CORO2B: variants seen among roughly 807,000 people sequenced by gnomAD.
The protein encoded by CORO2B is coronin-2B.
CORO2B carries 26 observed loss-of-function variants against 58.8 expected under a neutral mutation model. The observed-to-expected ratio is 0.44, with a 90% CI of 0.32 to 0.61. The LOEUF is 0.61. CORO2B is among the 20% of genes least tolerant of loss of function. The pLI, the probability that CORO2B is intolerant of heterozygous loss-of-function variation, is 0.04. For synonymous variants in CORO2B, 242 were observed against 253.8 expected (o/e 0.95, Z 0.44); for missense variants, 460 against 645.1 (o/e 0.71, Z 3.11).
chr15:68,608,593 C>G (rs1006605266), intron 1 of CORO2B, among the ~76,000 whole-genome samples: 6 of 152,340 alleles, frequency 3.9e-5, no homozygotes, highest in East Asian at 3.9e-4. Flanking sequence ...GTGAAGGGAT[C>G]TGTTGGAGAA....
intron 1 of CORO2B, among the ~76,000 whole-genome samples, chr15:68,607,065 A>T (rs774185988): frequency 1.3e-5 from 2 of 152,086 alleles, no homozygotes; most frequent in Non-Finnish European, 2.9e-5. Flanking sequence ...CGAGATAGAT[A>T]TTGGGCTTTT....
chr15:68,579,480 G>A (rs1566976727), intron 1 of CORO2B, among the ~76,000 whole-genome samples: 5 of 151,850 alleles, frequency 3.3e-5, no homozygotes, highest in Admixed American at 3.3e-4. Flanking sequence ...TGCCGCTCTG[G>A]CAGCCCCGGC....
At chr15:68,624,107 A>G (rs1262300084) in intron 1 of CORO2B, among the ~76,000 whole-genome samples, 1 of 152,132 alleles carries the variant, frequency 6.6e-6, no homozygotes, top group Non-Finnish European at 1.5e-5. Flanking sequence ...CTGTCTCCTC[A>G]TCCCATAAAT....
chr15:68,675,717 G>C (rs1231306055), intron 2 of CORO2B, among the ~76,000 whole-genome samples: 1 of 152,170 alleles, frequency 6.6e-6, no homozygotes, highest in Non-Finnish European at 1.5e-5. Context: ...AAAGTGCTTA[G>C]AAAACATTAA....
intron 11 of CORO2B, among the ~76,000 whole-genome samples, chr15:68,720,219 C>T (rs980375876): frequency 3.3e-5 from 5 of 152,170 alleles, no homozygotes; most frequent in African/African-American, 1.2e-4. Flanking sequence ...TCTGCCATTT[C>T]CTGGCTGTGA....
At chr15:68,612,620 A>G (rs1259842111) in intron 1 of CORO2B, among the ~76,000 whole-genome samples, 1 of 152,308 alleles carries the variant, frequency 6.6e-6, no homozygotes, top group East Asian at 1.9e-4. Flanking sequence ...GTCTAGAAAG[A>G]GCACTGAACT....
the CORO2B span, among the ~76,000 whole-genome samples, chr15:68,565,047 T>C: frequency 6.6e-6 from 1 of 152,208 alleles, no homozygotes; most frequent in Non-Finnish European, 1.5e-5. Flanking sequence ...TTGCTTCATG[T>C]GAAAGTAACT....
intron 11 of CORO2B, among the ~76,000 whole-genome samples, chr15:68,720,135 G>C (rs1269098006): frequency 6.6e-6 from 1 of 152,198 alleles, no homozygotes; most frequent in African/African-American, 2.4e-5. Flanking sequence ...GATGCCTACT[G>C]TGTGCCAGAC....
chr15:68,712,943 C>G (rs1445141804), intron 5 of CORO2B, among the ~76,000 whole-genome samples: 1 of 152,170 alleles, frequency 6.6e-6, no homozygotes, highest in Non-Finnish European at 1.5e-5. Context: ...AGGTGAAGGT[C>G]TTCTCTTGGG....
chr15:68,658,667 A>C (rs1338237834), intron 2 of CORO2B, among the ~76,000 whole-genome samples: 1 of 152,204 alleles, frequency 6.6e-6, no homozygotes, highest in Admixed American at 6.5e-5. Flanking sequence ...CCTGAGCTTC[A>C]TTCTTCTTTG....
At chr15:68,521,771 T>TC in the CORO2B span, among the ~76,000 whole-genome samples, 1 of 151,880 alleles carries the variant, frequency 6.6e-6, no homozygotes, top group Non-Finnish European at 1.5e-5. Flanking sequence ...TGTTTTTTTT[T>TC]TTCTTTCTCA....
intron 2 of CORO2B, among the ~76,000 whole-genome samples, chr15:68,686,464 T>C (rs755549979): frequency 1.1e-4 from 16 of 152,194 alleles, no homozygotes; most frequent in Non-Finnish European, 2.1e-4. Context: ...AGCTCCTCAC[T>C]TCCCAGACAA....
chr15:68,588,108 G>A (rs1424165280), intron 1 of CORO2B, among the ~76,000 whole-genome samples: 2 of 152,204 alleles, frequency 1.3e-5, no homozygotes, highest in Non-Finnish European at 2.9e-5. Context: ...GTCATGGCAG[G>A]AAATGGTTTA....
intron 1 of CORO2B, among the ~76,000 whole-genome samples, chr15:68,590,513 C>T (rs1036526146): frequency 2.6e-5 from 4 of 152,078 alleles, no homozygotes; most frequent in East Asian, 1.9e-4. Context: ...CCGCTGGCTG[C>T]ACCGCCCCAT....
intron 1 of CORO2B, among the ~76,000 whole-genome samples, chr15:68,580,415 G>A (rs183511142): frequency 3.7e-4 from 56 of 150,616 alleles, no homozygotes; most frequent in African/African-American, 1.3e-3. Context: ...GAGGGTTGGG[G>A]TGCAAGTGAT....
At chr15:68,602,564 A>G (rs750549774) in intron 1 of CORO2B, among the ~76,000 whole-genome samples, 1 of 152,172 alleles carries the variant, frequency 6.6e-6, no homozygotes, top group Non-Finnish European at 1.5e-5. Context: ...ATCGTGTACT[A>G]TGTTAAACAG....
intron 1 of CORO2B, among the ~76,000 whole-genome samples, chr15:68,602,186 G>A (rs746369349): frequency 3.3e-5 from 5 of 152,018 alleles, no homozygotes; most frequent in Non-Finnish European, 7.4e-5. Context: ...CAAGGACCAC[G>A]GACTTGGTCC....
intron 1 of CORO2B, among the ~76,000 whole-genome samples, chr15:68,586,341 C>T (rs1899557334): frequency 6.6e-6 from 1 of 152,046 alleles, no homozygotes; most frequent in African/African-American, 2.4e-5. Context: ...CTGGGAATAG[C>T]AGGGGGCCTG....
chr15:68,632,095 G>A, intron 1 of CORO2B: 3 of 985,496 alleles, frequency 3.0e-6, no homozygotes, highest in Non-Finnish European at 3.6e-6. Context: ...TTCGGAGCTA[G>A]AAGGTAGTCA....
Sources: allele counts gnomAD v4.1 joint callset (sites outside exome capture counted in the v4.1 genomes callset), GRCh38; gene constraint gnomAD v4.1.1; transcripts MANE v1.5; gene names NCBI Gene and HGNC (gene_info 2026-07-23, HGNC 2026-07-21).